Variants in PCDHGA4 observed in about 807,000 individuals in gnomAD.
PCDHGA4 encodes protocadherin gamma-A4.
Under a neutral mutation model 54.6 loss-of-function variants are expected in PCDHGA4, and 38 were observed. The ratio of observed to expected loss-of-function variants is 0.70; its 90% CI spans 0.54 to 0.91. PCDHGA4 has a LOEUF of 0.91. Among genes scored for constraint, PCDHGA4 ranks in the 40% least tolerant of loss-of-function variants. The pLI is 0.00. For missense variants in PCDHGA4, 1,298 were observed against 1,220.9 expected (o/e 1.06, Z -0.94); for synonymous variants, 511 against 512.9 (o/e 1.00, Z 0.05).
At chr5:141,413,331 C>T (rs1300057166) in intron 1 of PCDHGA4, 1 of 1,613,992 alleles carries the variant, frequency 6.2e-7, no homozygotes, top group Admixed American at 1.7e-5. Context: ...TGGGCAACAT[C>T]TCCAAGGACT....
intron 1 of PCDHGA4, chr5:141,395,077 A>T: frequency 6.2e-7 from 1 of 1,614,142 alleles, no homozygotes; most frequent in Non-Finnish European, 8.5e-7. Flanking sequence ...ACCTATTCCC[A>T]GGAAGTCTCC....
Position 141,419,271 on chromosome 5 carries a change from T to C in PCDHGA4, c.2514+61650T>C, listed in dbSNP as rs2096352878. 4 of 1,613,902 alleles carry C rather than the reference T, an allele frequency of 2.5e-6. No homozygotes were observed. In the South Asian group the frequency reaches 3.3e-5, roughly 13 times the overall value. ...GAAAACAACCAGCCGGGTGCCTCCA[T>C]AGCGCAAGTCAGTGCCTCTGACCCA... On this transcript the variant is annotated intron_variant, in intron 1 of 3. Transcript: ENST00000571252.
intron 1 of PCDHGA4, chr5:141,371,039 G>T (rs1233349729): frequency 6.2e-6 from 10 of 1,613,966 alleles, no homozygotes; most frequent in Non-Finnish European, 8.5e-6. Flanking sequence ...TCACAGCTGT[G>T]GATGGGGGCG....
chr5:141,458,593 C>T (rs1352799952), intron 1 of PCDHGA4, among the ~76,000 whole-genome samples: 4 of 151,402 alleles, frequency 2.6e-5, no homozygotes, highest in Non-Finnish European at 5.9e-5. Flanking sequence ...GTTTTGGAGA[C>T]GAGTCTCACT....
At chr5:141,362,395 C>T (rs1314760212) in intron 1 of PCDHGA4, 1 of 1,614,040 alleles carries the variant, frequency 6.2e-7, no homozygotes, top group Admixed American at 1.7e-5. Context: ...TTCCTACAAC[C>T]TGTGTGTTGC....
intron 1 of PCDHGA4, chr5:141,376,577 C>T (rs1231719593): frequency 6.3e-6 from 10 of 1,592,924 alleles, no homozygotes; most frequent in Admixed American, 1.7e-5. Flanking sequence ...CAGACAGGCT[C>T]ATCAGCTAGA....
In PCDHGA4 at chr5:141,356,775, T is replaced by A; in HGVS notation, c.1668T>A (p.Phe556Leu). ...YALCSFDYEQFRDLQLLMTAS... is the reference protein window; with the variant it reads ...YALCSFDYEQLRDLQLLMTAS... Reference sequence around the variant, plus strand: ...TTTGCTCCTTCGACTATGAGCAGTTTAGAGACCTGCAGCTGCTGATGACAG... The same window carrying A: ...TTTGCTCCTTCGACTATGAGCAGTTAAGAGACCTGCAGCTGCTGATGACAG... Residue 556 changes from phenylalanine to leucine, a missense_variant, in exon 1 of 4, where the codon TTT (phenylalanine) becomes TTA (leucine). Phe to Leu is a conservative substitution (Grantham distance 22). Coordinates refer to ENST00000571252, the MANE Select transcript of PCDHGA4 (RefSeq NM_018917.4). 6.2e-7 allele frequency: 1 copy of A among 1,613,974 alleles called. No individual in the cohort carries two copies. Among genetic ancestry groups the A allele is most frequent in the South Asian group, 1.1e-5 (1 of 91,076 alleles).
At chr5:141,399,971 T>C in intron 1 of PCDHGA4, 1 of 1,612,208 alleles carries the variant, frequency 6.2e-7, no homozygotes, top group Non-Finnish European at 8.5e-7. Flanking sequence ...CTCTTCAGCC[T>C]GGGGCTGCGC....
intron 2 of PCDHGA4, among the ~76,000 whole-genome samples, chr5:141,500,877 A>AT (rs369345007): frequency 0.053 from 6,532 of 122,188 alleles, 326 homozygotes; most frequent in Admixed American, 0.19. Context: ...TTCATTTACA[A>AT]TTTTTTTTTT....
chr5:141,414,942 C>T, intron 1 of PCDHGA4: 3 of 1,614,126 alleles, frequency 1.9e-6, no homozygotes, highest in Non-Finnish European at 1.7e-6. Context: ...CAGAGCCCGG[C>T]TACCTGGTGA....
intron 3 of PCDHGA4, 162 bp downstream of exon 3, chr5:141,505,643 T>C: frequency 1.0e-6 from 1 of 967,852 alleles, no homozygotes. Context: ...AAGCCTGGAA[T>C]TGTGGCTAAG....
rs532087470 is a variant in PCDHGA4, at chr5:141,414,020, C to T, written c.2514+56399C>T. 9 of 1,612,620 alleles carry T rather than the reference C, an allele frequency of 5.6e-6. No homozygotes were observed. The East Asian group carries it at 1.8e-4, about 32-fold the overall frequency. The stretch of plus-strand genomic sequence containing the variant: ...GACGAAGGTGCCAATGGAGAAGTGA[C>T]ATATTCATTCCGAAAATTACCTGAC... On this transcript the variant is annotated intron_variant, in intron 1 of 3. Transcript: ENST00000571252.
At chr5:141,394,219 C>T (rs1355390708) in intron 1 of PCDHGA4, 1 of 1,613,786 alleles carries the variant, frequency 6.2e-7, no homozygotes, top group Non-Finnish European at 8.5e-7. Context: ...CTGAGAGGAG[C>T]CTCCATCTTT....
intron 1 of PCDHGA4, chr5:141,423,463 G>C (rs772779471): frequency 1.2e-6 from 2 of 1,613,874 alleles, no homozygotes; most frequent in South Asian, 2.2e-5. Context: ...AGGCGTGGAC[G>C]GGGTACAGGC....
chr5:141,400,319 C>A lies in PCDHGA4; in HGVS notation c.2514+42698C>A, dbSNP rs762588918. ...TTCCAACCTGGTCTCTGTGTCAAGTCTGGACCTGTGGTTCCCCCCAACTAC... is the reference window on the plus strand; with the variant it reads ...TTCCAACCTGGTCTCTGTGTCAAGTATGGACCTGTGGTTCCCCCCAACTAC... On this transcript the variant is annotated intron_variant, in intron 1 of 3. Coordinates refer to ENST00000571252, the MANE Select transcript of PCDHGA4 (RefSeq NM_018917.4). The A allele has an allele frequency of 4.3e-6, 7 of 1,614,092 alleles. No individual in the cohort carries two copies. In the South Asian group the frequency reaches 7.7e-5, roughly 18 times the overall value.
At chr5:141,443,844 G>T (rs976057583) in intron 1 of PCDHGA4, among the ~76,000 whole-genome samples, 1 of 152,130 alleles carries the variant, frequency 6.6e-6, no homozygotes, top group African/African-American at 2.4e-5. Flanking sequence ...GGGTAATATG[G>T]AAAGTCTGAA....
At position 141,511,563 on chromosome 5, in the gene PCDHGA4, C is replaced by T. The variant is rs911782127; in HGVS notation, c.*390C>T. ...CCCCACTCCAACAGTTCCTCTTTCCCGAGTAAGGTGGTTGGGGTGTTGAAG... is the reference window on the plus strand; with the variant it reads ...CCCCACTCCAACAGTTCCTCTTTCCTGAGTAAGGTGGTTGGGGTGTTGAAG... On this transcript the variant is annotated 3_prime_UTR_variant, in exon 4 of 4. Coordinates refer to ENST00000571252, the MANE Select transcript of PCDHGA4 (RefSeq NM_018917.4). The T allele has an allele frequency of 7.8e-5, 23 of 295,048 alleles. No homozygotes were observed. The highest frequency in any genetic ancestry group is 3.4e-4 in the African/African-American group (16 of 46,532). The allele number at this position is 295,048 out of a possible 1,614,324, so 18.3% of individuals were successfully genotyped here. A position where few individuals can be genotyped will look rare whatever the true frequency, so the allele number is the denominator to read the frequency against.
intron 1 of PCDHGA4, chr5:141,409,169 G>A (rs371896881): frequency 3.5e-5 from 56 of 1,613,906 alleles, no homozygotes; most frequent in Non-Finnish European, 4.2e-5. Flanking sequence ...GGAAGCGAAG[G>A]ACGGAGGTGG....
chr5:141,480,533 G>A (rs2099521308), intron 1 of PCDHGA4, among the ~76,000 whole-genome samples: 1 of 127,758 alleles, frequency 7.8e-6, no homozygotes, highest in African/African-American at 3.6e-5. Flanking sequence ...CAAAGTAGAA[G>A]CACATATGAA....
Sources: allele counts gnomAD v4.1 joint callset (sites outside exome capture counted in the v4.1 genomes callset), GRCh38; gene constraint gnomAD v4.1.1; transcripts MANE v1.5; gene names NCBI Gene and HGNC (gene_info 2026-07-23, HGNC 2026-07-21).